APOH: variants seen among roughly 807,000 people sequenced by gnomAD.
APOH encodes beta-2-glycoprotein 1.
A neutral mutation model predicts 39.8 loss-of-function variants in APOH; 48 were observed. That is an observed-to-expected ratio of 1.21 (90% CI 0.96 to 1.54). The LOEUF (loss-of-function observed/expected upper bound fraction) is 1.54. Ranked by LOEUF, APOH falls within the 40% of genes most tolerant of loss-of-function variation. The pLI is 0.00. For missense variants in APOH, 415 were observed against 421.2 expected (o/e 0.99, Z 0.13); for synonymous variants, 153 against 151.1 (o/e 1.01, Z -0.09).
Position 66,216,974 on chromosome 17 carries a change from C to T in APOH, c.605-7G>A. 6.3e-7 allele frequency: 1 copy of T among 1,580,552 alleles called. No homozygotes were observed. The highest frequency in any genetic ancestry group is 8.6e-7 in the Non-Finnish European group (1 of 1,165,412). ...GGGAATGGGCATTTTACTTCTAAAA[C>T]ATTTATTCAATAAGACATATTAGTA... On this transcript the variant is annotated splice_region_variant and splice_polypyrimidine_tract_variant and intron_variant, in intron 5 of 7. Coordinates refer to ENST00000205948, the MANE Select transcript of APOH (RefSeq NM_000042.3).
At chr17:66,220,931 G>A (rs2073395299) in intron 4 of APOH, among the ~76,000 whole-genome samples, 189 bp from the exon 5 acceptor site, 1 of 152,046 alleles carries the variant, frequency 6.6e-6, no homozygotes, top group South Asian at 2.1e-4. Flanking sequence ...GGTGGCTCAC[G>A]CCTGTAATCC....
intron 5 of APOH, among the ~76,000 whole-genome samples, chr17:66,217,353 C>CCCG (rs2073372155): frequency 6.9e-6 from 1 of 145,182 alleles, no homozygotes; most frequent in Admixed American, 6.9e-5. Flanking sequence ...AACCCCCCCC[C>CCCG]CCATTCACAC....
At chr17:66,222,668 T>C (rs972057003) in intron 4 of APOH, among the ~76,000 whole-genome samples, 8 of 143,542 alleles carry the variant, frequency 5.6e-5, no homozygotes, top group Non-Finnish European at 9.0e-5. Context: ...GCCTCCCGGG[T>C]TCAAGTGATT....
In APOH at chr17:66,223,743, A is replaced by T. The variant is rs552047225; in HGVS notation, c.370T>A (p.Cys124Ser). 1.2e-6 allele frequency: 2 copies of T among 1,612,902 alleles called. No homozygotes were observed. Among genetic ancestry groups the T allele is most frequent in the Admixed American group, 1.7e-5 (1 of 60,024 alleles). Residue 124 changes from cysteine to serine, a missense_variant, in exon 4 of 8, where the codon TGC becomes AGC. Transcript: ENST00000205948. ...FYLNGADSAK[C>S]TEEGKWSPEL... ...GGGCTCCATTTTCCTTCCTCAGTGC[A>T]CTTGGCAGAATCAGCGCCATTCAGA...
rs1404919435 is a variant in APOH, at chr17:66,224,675, AGGGAAGGGAAGGGAAG to A, written c.339-917_339-902del. On this transcript the variant is annotated intron_variant, in intron 3 of 7. Transcript: ENST00000205948. ...AGGGAAGGGAAGGGAAGGGAAGGGA[AGGGAAGGGAAGGGAAG>A]GGAAAGGAAAGGAAAGGAAAGGAAA... Among the ~76,000 whole-genome samples the A allele has an allele frequency of 1.4e-3, 65 of 47,588 alleles. 3 individuals carry two copies. The highest frequency in any genetic ancestry group is 6.7e-3 in the African/African-American group (62 of 9,254). The allele number at this position is 47,588 out of a possible 152,430, so 31.2% of individuals were successfully genotyped here. A position where few individuals can be genotyped will look rare whatever the true frequency, so the allele number is the denominator to read the frequency against.
Position 66,228,144 on chromosome 17 carries a change from T to C in APOH, c.117A>G (p.Thr39=). The change falls in exon 2 of 8, where the codon ACA becomes ACG. Residue 39 remains threonine, a synonymous_variant. Coordinates refer to ENST00000205948, the MANE Select transcript of APOH (RefSeq NM_000042.3). ...TAATCTCTTCTCCTGGCTCATAGAA[T>C]GTTTTTAACGGGACCACTGTGGAAA... is the stretch of plus-strand genomic sequence containing the variant. ...LPFSTVVPLK[T]FYEPGEEITY... is the part of the protein sequence containing the mutation. The C allele has an allele frequency of 2.5e-6, 4 of 1,614,152 alleles. No homozygotes were observed. Among genetic ancestry groups the C allele is most frequent in the African/African-American group, 1.3e-5 (1 of 75,024 alleles).
At chr17:66,226,887 A>T (rs931443229) in intron 2 of APOH, among the ~76,000 whole-genome samples, 44 of 97,108 alleles carry the variant, frequency 4.5e-4, no homozygotes, top group African/African-American at 2.4e-3. Flanking sequence ...TATTTTATTT[A>T]TTTATTTATT....
At chr17:66,223,420 G>A (rs1041367102) in intron 4 of APOH, among the ~76,000 whole-genome samples, 2 of 152,202 alleles carry the variant, frequency 1.3e-5, no homozygotes, top group African/African-American at 4.8e-5. Context: ...CACTATGAGA[G>A]CATTGGAGTC....
chr17:66,219,617 T>C (rs2073385433), intron 5 of APOH, among the ~76,000 whole-genome samples: 1 of 152,142 alleles, frequency 6.6e-6, no homozygotes, highest in Non-Finnish European at 1.5e-5. Context: ...GAGAAGTTAA[T>C]AGTCACGAGA....
In APOH at chr17:66,224,615, AAG is replaced by A. The variant is rs2073424210; in HGVS notation, c.339-843_339-842del. On this transcript the variant is annotated intron_variant, in intron 3 of 7. Coordinates refer to ENST00000205948, the MANE Select transcript of APOH (RefSeq NM_000042.3). The stretch of plus-strand genomic sequence containing the variant: ...AAAGAGAAAGAAAGAAAGAAAAAGA[AAG>A]AAAGAAAGAAGAAAGGAAGAGAAGG... 2.0e-5 allele frequency among the ~76,000 whole-genome samples: 3 copies of A among 146,758 alleles called. 1 individual carries two copies. The highest frequency in any genetic ancestry group is 3.0e-5 in the Non-Finnish European group (2 of 66,892).
intron 2 of APOH, 94 bp from the exon 3 acceptor site, chr17:66,226,218 A>G (rs2073438650): frequency 1.2e-6 from 1 of 868,622 alleles, no homozygotes; most frequent in Admixed American, 2.7e-5. Context: ...CATTAAATGA[A>G]ACATATAAAT....
At chr17:66,217,728 T>C (rs2073374267) in intron 5 of APOH, among the ~76,000 whole-genome samples, 1 of 152,026 alleles carries the variant, frequency 6.6e-6, no homozygotes, top group African/African-American at 2.4e-5. Flanking sequence ...AGGTGGATGC[T>C]GAGGAGGTCA....
rs2073390912 is a variant in APOH, at chr17:66,220,561, T to C, written c.597A>G (p.Glu199=). ...TTHGNWTKLP[E]CREVKCPFPS... Reference sequence around the variant, plus strand: ...TCTGATCATTGCACTTACCCCTGCATTCTGGTAATTTAGTCCAATTTCCAT... The same window carrying C: ...TCTGATCATTGCACTTACCCCTGCACTCTGGTAATTTAGTCCAATTTCCAT... Residue 199 remains glutamate (E), a synonymous_variant, in exon 5 of 8, where the codon GAA becomes GAG. Coordinates refer to ENST00000205948, the MANE Select transcript of APOH (RefSeq NM_000042.3). 10 of 1,613,916 alleles carry C rather than the reference T, an allele frequency of 6.2e-6. 1 individual carries two copies. The Middle Eastern group carries it at 4.9e-4, about 80-fold the overall frequency.
chr17:66,216,525 G>A (rs900471841), intron 6 of APOH, among the ~76,000 whole-genome samples: 11 of 150,454 alleles, frequency 7.3e-5, no homozygotes, highest in Non-Finnish European at 1.0e-4. Context: ...AGACTTAAAA[G>A]CAAATAAAGA....
rs201802172 is a variant in APOH at position 66,212,206 on chromosome 17, G to T, written c.983-18C>A. ...ACTGTGTTCTGTTGGGGGAGAAAAAGATAAACATTCTAAGAGAAACAATCA... is the reference window on the plus strand; with the variant it reads ...ACTGTGTTCTGTTGGGGGAGAAAAATATAAACATTCTAAGAGAAACAATCA... On this transcript the variant is annotated intron_variant, in intron 7 of 7. Transcript: ENST00000205948. 4 of 1,606,950 alleles carry T rather than the reference G, an allele frequency of 2.5e-6. No homozygotes were observed. Among genetic ancestry groups the T allele is most frequent in the Middle Eastern group, 3.3e-4 (2 of 6,068 alleles).
At chr17:66,223,604 G>A (rs1237743149) in intron 4 of APOH, 94 bp downstream of exon 4, 20 of 1,062,052 alleles carry the variant, frequency 1.9e-5, no homozygotes, top group Non-Finnish European at 2.5e-5. Flanking sequence ...ATCTCATTGA[G>A]CTGTGACTGA....
At chr17:66,212,677 C>A (rs1029611544) in intron 7 of APOH, among the ~76,000 whole-genome samples, 1 of 152,128 alleles carries the variant, frequency 6.6e-6, no homozygotes, top group African/African-American at 2.4e-5. Context: ...CTGCGCCTGG[C>A]CAAGATCCTC....
chr17:66,223,882 T>C, intron 3 of APOH, 108 bp from the exon 4 acceptor site: 1 of 986,980 alleles, frequency 1.0e-6, no homozygotes, highest in Non-Finnish European at 1.6e-6. Context: ...TGACTTCTTT[T>C]CCATCGTATA....
At position 66,214,121 on chromosome 17, in the gene APOH, G is replaced by A. The variant is rs571256720; in HGVS notation, c.982+332C>T. 7.2e-4 allele frequency among the ~76,000 whole-genome samples: 110 copies of A among 152,152 alleles called. 1 individual carries two copies. Among genetic ancestry groups the A allele is most frequent in the African/African-American group, 2.5e-3 (104 of 41,506 alleles). Reference sequence around the variant, plus strand: ...GTTGCCCAGGCTGGAGTGCAATGGCGCGATCTCGGCTCACTGCAACCTCCA... The same window carrying A: ...GTTGCCCAGGCTGGAGTGCAATGGCACGATCTCGGCTCACTGCAACCTCCA... On this transcript the variant is annotated intron_variant, in intron 7 of 7. Transcript: ENST00000205948.
Sources: allele counts gnomAD v4.1 joint callset (sites outside exome capture counted in the v4.1 genomes callset), GRCh38; gene constraint gnomAD v4.1.1; transcripts MANE v1.5; gene names NCBI Gene and HGNC (gene_info 2026-07-23, HGNC 2026-07-21).